The following HS3ST4 variants were observed in gnomAD, a reference collection of about 807,000 sequenced individuals.
HS3ST4 encodes heparan sulfate glucosamine 3-O-sulfotransferase 4.
In HS3ST4, 17 loss-of-function variants were observed where a neutral mutation model predicts 29.2. The ratio of observed to expected loss-of-function variants is 0.58; its 90% confidence interval spans 0.40 to 0.87. The LOEUF is 0.87. HS3ST4 is among the 40% of genes least tolerant of loss of function. The pLI, the probability that HS3ST4 is intolerant of heterozygous loss-of-function variation, is 0.00. For missense variants in HS3ST4, 627 were observed against 634.5 expected (o/e 0.99, Z 0.13); for synonymous variants, 314 against 285.7 (o/e 1.10, Z -1.00).
At chr16:25,882,370 A>G (rs995473316) in intron 1 of HS3ST4, among the ~76,000 whole-genome samples, 1 of 152,116 alleles carries the variant, frequency 6.6e-6, no homozygotes, top group African/African-American at 2.4e-5. Flanking sequence ...GCAGAAGTTT[A>G]TGTTCCTGAA....
At chr16:25,811,605 G>T (rs1348866162) in intron 1 of HS3ST4, among the ~76,000 whole-genome samples, 1 of 151,246 alleles carries the variant, frequency 6.6e-6, no homozygotes, top group African/African-American at 2.4e-5. Context: ...GGCTAATTTT[G>T]TATTTTTAGT....
chr16:25,919,356 A>G (rs1033881790), intron 1 of HS3ST4, among the ~76,000 whole-genome samples: 8 of 152,206 alleles, frequency 5.3e-5, no homozygotes, highest in African/African-American at 1.9e-4. Context: ...AGTTACCGTT[A>G]TAGGAACAAA....
chr16:25,962,455 T>G (rs1968805060), intron 1 of HS3ST4, among the ~76,000 whole-genome samples: 1 of 152,202 alleles, frequency 6.6e-6, no homozygotes, highest in East Asian at 1.9e-4. Context: ...TCTTTAAAGT[T>G]GGCATAATGA....
At chr16:26,070,081 A>G (rs1898584958) in intron 1 of HS3ST4, among the ~76,000 whole-genome samples, 1 of 152,108 alleles carries the variant, frequency 6.6e-6, no homozygotes, top group Admixed American at 6.5e-5. Context: ...CAGTAATGGG[A>G]TGGCTGGGTC....
rs545098558 is a variant in HS3ST4 at position 25,881,434 on chromosome 16, A to C, written c.734+188283A>C. Among the ~76,000 whole-genome samples the C allele has an allele frequency of 5.3e-5, 8 of 152,332 alleles. No homozygotes were observed. The South Asian group carries it at 1.7e-3, about 32-fold the overall frequency. On this transcript the variant is annotated intron_variant, in intron 1 of 1. Coordinates refer to ENST00000331351, the MANE Select transcript of HS3ST4 (RefSeq NM_006040.3). ...TTATTAGACATGTAAAATTAAGATG[A>C]AACTGTCCTTAGACAAATTAGTTTA...
At chr16:25,718,428 T>C (rs1375871633) in intron 1 of HS3ST4, among the ~76,000 whole-genome samples, 2 of 152,142 alleles carry the variant, frequency 1.3e-5, no homozygotes, top group East Asian at 3.9e-4. Context: ...GGAGCTGCTT[T>C]CTGGTCATTT....
intron 1 of HS3ST4, among the ~76,000 whole-genome samples, chr16:25,755,638 T>C (rs1207335871): frequency 6.6e-6 from 1 of 152,214 alleles, no homozygotes; most frequent in African/African-American, 2.4e-5. Context: ...AAAGAATACA[T>C]CAATTTCTTA....
intron 1 of HS3ST4, among the ~76,000 whole-genome samples, chr16:25,949,262 A>G (rs112556855): frequency 0.018 from 2,786 of 152,206 alleles, 72 homozygotes; most frequent in African/African-American, 0.063. Context: ...TTCATTTATC[A>G]TGACTATAGT....
intron 1 of HS3ST4, among the ~76,000 whole-genome samples, chr16:25,850,145 A>G (rs1435250221): frequency 6.6e-6 from 1 of 151,882 alleles, no homozygotes; most frequent in East Asian, 1.9e-4. Flanking sequence ...GATTACAGGC[A>G]TGCACCACCA....
chr16:25,972,435 CA>C (rs1436714357), intron 1 of HS3ST4, among the ~76,000 whole-genome samples: 1 of 152,196 alleles, frequency 6.6e-6, no homozygotes. Flanking sequence ...TGAAGCAGAG[CA>C]GCTTCCAAGC....
intron 1 of HS3ST4, among the ~76,000 whole-genome samples, chr16:25,962,303 A>G (rs1968802517): frequency 6.6e-6 from 1 of 152,208 alleles, no homozygotes; most frequent in Non-Finnish European, 1.5e-5. Flanking sequence ...TAAGAGAGCC[A>G]CAGAAAGTAT....
intron 1 of HS3ST4, among the ~76,000 whole-genome samples, chr16:25,838,113 A>T (rs1029503512): frequency 4.6e-5 from 7 of 152,210 alleles, no homozygotes; most frequent in Admixed American, 4.6e-4. Context: ...TCAGCTATGT[A>T]AATGTGCTTT....
chr16:25,967,240 A>T (rs1239399786), intron 1 of HS3ST4, among the ~76,000 whole-genome samples: 5 of 152,004 alleles, frequency 3.3e-5, no homozygotes, highest in Non-Finnish European at 7.4e-5. Context: ...TGCAACGTCC[A>T]CCTCCTGGGT....
At chr16:25,896,205 G>A (rs1968062562) in intron 1 of HS3ST4, among the ~76,000 whole-genome samples, 1 of 152,178 alleles carries the variant, frequency 6.6e-6, no homozygotes, top group South Asian at 2.1e-4. Context: ...GATTGTCTGG[G>A]AACAGGTGGA....
chr16:25,766,793 A>G (rs1438770044), intron 1 of HS3ST4, among the ~76,000 whole-genome samples: 1 of 152,218 alleles, frequency 6.6e-6, no homozygotes, highest in African/African-American at 2.4e-5. Context: ...GTAATGAGCA[A>G]CCACAGGCCT....
rs756561768 is a variant in HS3ST4 at position 26,137,003 on chromosome 16, A to T, written c.*755A>T. ...ATCCTGGGTTGTGCAGAAGCTTAGC[A>T]TATGCCCTTGTGTTCGGATCAGGCC... On this transcript the variant is annotated 3_prime_UTR_variant, in exon 2 of 2. Coordinates refer to ENST00000331351, the MANE Select transcript of HS3ST4 (RefSeq NM_006040.3). The T allele has an allele frequency of 2.0e-5, 3 of 152,230 alleles. No individual in the cohort carries two copies. Among genetic ancestry groups the T allele is most frequent in the Admixed American group, 6.5e-5 (1 of 15,270 alleles). 9.4% of individuals were successfully genotyped at this position (152,230 alleles called of 1,614,324 possible).
At chr16:25,730,109 G>A (rs1966560975) in intron 1 of HS3ST4, among the ~76,000 whole-genome samples, 1 of 152,192 alleles carries the variant, frequency 6.6e-6, no homozygotes, top group African/African-American at 2.4e-5. Flanking sequence ...AGGTGTACTG[G>A]GGAAATGGTT....
At chr16:26,095,168 G>A (rs58996826) in intron 1 of HS3ST4, among the ~76,000 whole-genome samples, 5,087 of 152,174 alleles carry the variant, frequency 0.033, 268 homozygotes, top group African/African-American at 0.11. Context: ...ATAATAATGG[G>A]AGACTTTAAC....
chr16:25,700,684 G>T (rs543796267), intron 1 of HS3ST4, among the ~76,000 whole-genome samples: 72 of 152,106 alleles, frequency 4.7e-4, no homozygotes, highest in Non-Finnish European at 9.3e-4. Context: ...CCACCGCCCC[G>T]TTCAAGTAAT....
Sources: gnomAD v4.1 joint callset for allele counts (sites outside exome capture counted in the v4.1 genomes callset) on GRCh38, gnomAD v4.1.1 for gene constraint, MANE v1.5 for transcripts, NCBI Gene and HGNC (gene_info 2026-07-23, HGNC 2026-07-21) for gene names.